XKR6: variants seen among roughly 807,000 people sequenced by gnomAD.
XKR6 encodes the protein XK related 6, also known as XK-related protein 6.
A neutral mutation model predicts 56.7 loss-of-function variants in XKR6; 22 were observed. The observed-to-expected ratio is 0.39, with a 90% CI of 0.28 to 0.55. The LOEUF (loss-of-function observed/expected upper bound fraction) is 0.55. Ranked by LOEUF, XKR6 falls within the 20% of genes least tolerant of loss-of-function variation. The pLI, the probability that XKR6 is intolerant of heterozygous loss-of-function variation, is 0.66. For synonymous variants in XKR6, 524 were observed against 387.8 expected (o/e 1.35, Z -4.13); for missense variants, 852 against 889.0 (o/e 0.96, Z 0.53).
In XKR6 at chr8:11,033,373, ATGG is replaced by A. The variant is rs1366243447; in HGVS notation, c.765-108546_765-108544del. 5.3e-5 allele frequency among the ~76,000 whole-genome samples: 8 copies of A among 149,782 alleles called. No individual in the cohort carries two copies. The South Asian group carries it at 8.4e-4, about 16-fold the overall frequency. ...GATGATGATGACGATAGTGATGGTG[ATGG>A]TGGTGGTGATGATGATGATGACGAT... On this transcript the variant is annotated intron_variant, in intron 1 of 2. Coordinates refer to ENST00000416569, the MANE Select transcript of XKR6 (RefSeq NM_173683.4).
At position 11,200,781 on chromosome 8, in the gene XKR6, C is replaced by T. The variant is rs1196994086; in HGVS notation, c.559G>A (p.Asp187Asn). The T allele has an allele frequency of 6.2e-7, 1 of 1,607,970 alleles. No individual in the cohort carries two copies. ...GCGCCCAGCCCGCCGCCCGTGTAGT[C>T]CTGCACGAACCAGCGGAAGCTCAGG... ...QSLSFRWFVQ[D>N]YTGGGLGAVE... Residue 187 changes from aspartate (D) to asparagine (N), a missense_variant, in exon 1 of 3, where the codon GAC becomes AAC. Transcript: ENST00000416569. The surrounding 1 kb of genome is among the most constrained non-coding windows in gnomAD (Gnocchi z 6.4).
intron 1 of XKR6, among the ~76,000 whole-genome samples, chr8:11,055,787 A>G (rs1799667355): frequency 6.8e-6 from 1 of 147,820 alleles, no homozygotes; most frequent in Non-Finnish European, 1.5e-5. Flanking sequence ...CGGGCCCCGA[A>G]GTCCACTGCA....
chr8:11,065,303 GTCTTATGGATCTTGTCAGTTCCCTTAT>G (rs1176401297), intron 1 of XKR6, among the ~76,000 whole-genome samples: 1 of 152,204 alleles, frequency 6.6e-6, no homozygotes, highest in East Asian at 1.9e-4. Flanking sequence ...AGAGGAAGTT[GTCTTATGGATCTTGTCAGTTCCCTTAT>G]TCTTTAGAAA....
chr8:10,997,174 A>T (rs145998391), intron 1 of XKR6, among the ~76,000 whole-genome samples: 1 of 152,306 alleles, frequency 6.6e-6, no homozygotes, highest in East Asian at 1.9e-4. Context: ...ATGCTTTATT[A>T]TAAATGACCC....
chr8:11,010,352 A>C (rs577798752), intron 1 of XKR6, among the ~76,000 whole-genome samples: 1 of 152,206 alleles, frequency 6.6e-6, no homozygotes, highest in Non-Finnish European at 1.5e-5. Context: ...AATCCAAACC[A>C]TACCAATAAT....
intron 1 of XKR6, among the ~76,000 whole-genome samples, chr8:11,169,806 T>G (rs919356651): frequency 6.6e-6 from 1 of 152,076 alleles, no homozygotes; most frequent in Admixed American, 6.5e-5. Context: ...TAAGATCAAG[T>G]GCAAAAATGG....
At chr8:10,986,051 T>G (rs1222271165) in intron 1 of XKR6, among the ~76,000 whole-genome samples, 1 of 152,174 alleles carries the variant, frequency 6.6e-6, no homozygotes, top group African/African-American at 2.4e-5. Context: ...AGATACAGAA[T>G]AGTGGAAACA....
At chr8:10,926,632 A>G (rs1262426797) in intron 1 of XKR6, among the ~76,000 whole-genome samples, 2 of 152,266 alleles carry the variant, frequency 1.3e-5, no homozygotes, top group Non-Finnish European at 2.9e-5. Flanking sequence ...CCTTCCAGGT[A>G]TACAGTCTCT....
chr8:11,169,882 A>G (rs1205946985), intron 1 of XKR6, among the ~76,000 whole-genome samples: 3 of 152,196 alleles, frequency 2.0e-5, no homozygotes, highest in East Asian at 1.9e-4. Flanking sequence ...TTAAAATGGT[A>G]TATTTTGTGT....
chr8:11,097,873 G>GCT (rs1277064278), intron 1 of XKR6, among the ~76,000 whole-genome samples: 5 of 146,444 alleles, frequency 3.4e-5, no homozygotes, highest in Non-Finnish European at 7.5e-5. Context: ...AAATTCTACA[G>GCT]TTTTTTTTTT....
intron 1 of XKR6, among the ~76,000 whole-genome samples, chr8:11,126,548 C>T (rs962697735): frequency 6.6e-6 from 1 of 152,042 alleles, no homozygotes; most frequent in African/African-American, 2.4e-5. Context: ...CTTCATATTA[C>T]TTCTCAGCTT....
intron 1 of XKR6, among the ~76,000 whole-genome samples, chr8:11,189,269 G>A (rs939311622): frequency 1.3e-5 from 2 of 152,136 alleles, no homozygotes; most frequent in African/African-American, 4.8e-5. Context: ...CTCTAACCTG[G>A]CACTTCTGAG....
chr8:10,923,724 G>C (rs1471733486), intron 2 of XKR6, among the ~76,000 whole-genome samples: 1 of 152,216 alleles, frequency 6.6e-6, no homozygotes, highest in East Asian at 1.9e-4. Flanking sequence ...AGGGCCTCCT[G>C]GGGCACCAAG....
chr8:11,157,661 G>A (rs1220778719), intron 1 of XKR6, among the ~76,000 whole-genome samples: 2 of 152,076 alleles, frequency 1.3e-5, no homozygotes, highest in African/African-American at 4.8e-5. Flanking sequence ...GGCTATAGGT[G>A]CATGCCACCA....
rs570323894 is a variant in XKR6, at chr8:11,012,564, C to T, written c.765-87734G>A. ...CATCCCTAGTCTACCCAGACATTTC[C>T]AGTACCATGGGGGAGGAAAAGAGCT... On this transcript the variant is annotated intron_variant, in intron 1 of 2. Transcript: ENST00000416569. 5.9e-5 allele frequency among the ~76,000 whole-genome samples: 9 copies of T among 152,214 alleles called. 1 individual carries two copies. Among genetic ancestry groups the T allele is most frequent in the African/African-American group, 2.2e-4 (9 of 41,532 alleles).
intron 1 of XKR6, among the ~76,000 whole-genome samples, chr8:11,018,166 A>T (rs1454653891): frequency 2.0e-5 from 1 of 49,604 alleles, no homozygotes; most frequent in Admixed American, 1.9e-4. Flanking sequence ...AATCCCCCCC[A>T]CCCACCCAGG....
intron 1 of XKR6, among the ~76,000 whole-genome samples, chr8:11,172,050 G>T (rs1278556369): frequency 1.4e-5 from 2 of 145,638 alleles, no homozygotes; most frequent in Admixed American, 7.0e-5. Flanking sequence ...AAGATCCCCT[G>T]TCAAAAAATA....
intron 1 of XKR6, among the ~76,000 whole-genome samples, chr8:11,089,538 G>A (rs1797998949): frequency 6.6e-6 from 1 of 152,182 alleles, no homozygotes; most frequent in Non-Finnish European, 1.5e-5. Context: ...AAGGGAGGTT[G>A]AGGCAGGAGG....
intron 1 of XKR6, among the ~76,000 whole-genome samples, chr8:11,086,384 T>A (rs1453100680): frequency 2.0e-5 from 3 of 152,038 alleles, no homozygotes; most frequent in Admixed American, 6.5e-5. Flanking sequence ...CGGCACACAG[T>A]GGGTGCTATT....
Sources: allele counts gnomAD v4.1 joint callset (sites outside exome capture counted in the v4.1 genomes callset), GRCh38; gene constraint gnomAD v4.1.1; non-coding constraint Gnocchi (gnomAD v3.1); transcripts MANE v1.5; gene names NCBI Gene and HGNC (gene_info 2026-07-23, HGNC 2026-07-21).